The following SLTM variants were observed in gnomAD, a reference collection of about 807,000 sequenced individuals.
SLTM encodes SAFB-like transcription modulator.
Under a neutral mutation model 134.6 loss-of-function variants are expected in SLTM, and 43 were observed. The observed-to-expected ratio is 0.32, with a 90% CI of 0.25 to 0.41. The LOEUF (loss-of-function observed/expected upper bound fraction) is 0.41, where lower values mean the gene tolerates loss of function less well. Among genes scored for constraint, SLTM ranks in the 10% least tolerant of loss-of-function variants. SLTM has a pLI of 1.00. For synonymous variants in SLTM, 424 were observed against 432.3 expected (o/e 0.98, Z 0.24); for missense variants, 1,055 against 1,288.8 (o/e 0.82, Z 2.78).
chr15:58,895,091 A>T (rs1420667048), intron 9 of SLTM, among the ~76,000 whole-genome samples: 2 of 152,136 alleles, frequency 1.3e-5, no homozygotes, highest in Admixed American at 1.3e-4. Flanking sequence ...AAGCAATTTA[A>T]CCTTTTTATA....
In SLTM at chr15:58,933,392, G is replaced by T. The variant is rs2032504638; in HGVS notation, c.162+12C>A. On this transcript the variant is annotated intron_variant, in intron 1 of 20. Coordinates refer to ENST00000380516, the MANE Select transcript of SLTM (RefSeq NM_024755.4). ...CCCTTCCCGGTCCTTTCCGGTCCTC[G>T]CCGGGCCTCACCTGCTTGAGTCGGG... 1 of 1,570,072 alleles carries T rather than the reference G, an allele frequency of 6.4e-7. No individual in the cohort carries two copies.
intron 17 of SLTM, among the ~76,000 whole-genome samples, chr15:58,887,881 TG>T (rs1160781280): frequency 6.6e-6 from 1 of 152,086 alleles, no homozygotes; most frequent in African/African-American, 2.4e-5. Context: ...CGGGGAGTGG[TG>T]GCTCAGGCCT....
Position 58,933,656 on chromosome 15 carries a change from G to C in SLTM, c.-91C>G. 7.3e-7 allele frequency: 1 copy of C among 1,362,978 alleles called. No individual in the cohort carries two copies. The highest frequency in any genetic ancestry group is 9.4e-7 in the Non-Finnish European group (1 of 1,063,116). 84.4% of individuals were successfully genotyped at this position (1,362,978 alleles called of 1,614,324 possible). On this transcript the variant is annotated 5_prime_UTR_variant, in exon 1 of 21. Transcript: ENST00000380516. ...TCCACCCAGGCCTCGGCGGCCGCCGGCGCCGCGCAGCGCTGCGCACAATGA... is the reference window on the plus strand; with the variant it reads ...TCCACCCAGGCCTCGGCGGCCGCCGCCGCCGCGCAGCGCTGCGCACAATGA...
Position 58,894,513 on chromosome 15 carries a change from A to C in SLTM, c.1297T>G (p.Ser433Ala). Residue 433 changes from serine to alanine, a missense_variant, in exon 10 of 21, where the codon TCT becomes GCT. Physicochemically the swap from Ser to Ala is moderately conservative, Grantham distance 99 (BLOSUM62 1). This residue lies in a region of SLTM where 776 missense variants were observed against 962.2 expected (regional missense o/e 0.81). Coordinates refer to ENST00000380516, the MANE Select transcript of SLTM (RefSeq NM_024755.4). ...CACCTGGACACCTCTGTGCTTGAAG[A>C]CATAGTTACAATGCCATAGCATTTT... ...GAKCYGIVTM[S>A]SSTEVSRCIA... 1 of 1,614,144 alleles carries C rather than the reference A, an allele frequency of 6.2e-7. No homozygotes were observed. Among genetic ancestry groups the C allele is most frequent in the East Asian group, 2.2e-5 (1 of 44,880 alleles).
Position 58,933,498 on chromosome 15 carries a change from G to T in SLTM, c.68C>A (p.Thr23Asn). ...CTTCAGATCGATGACCCGCAGATCG[G>T]TGATCTTTTTACCTTCCGCCTGACC... is the stretch of plus-strand genomic sequence containing the variant. ...ASGQAEGKKI[T>N]DLRVIDLKSE... is the part of the protein sequence containing the mutation. Residue 23 changes from threonine (T) to asparagine (N), a missense_variant, in exon 1 of 21, where the codon ACC (threonine) becomes AAC (asparagine). By Grantham distance (65) the Thr-to-Asn change is moderately conservative. This residue lies in a region of SLTM where 268 missense variants were observed against 284.3 expected (regional missense o/e 0.94). Transcript: ENST00000380516. 6.2e-7 allele frequency: 1 copy of T among 1,600,754 alleles called. No homozygotes were observed. Among genetic ancestry groups the T allele is most frequent in the Non-Finnish European group, 8.5e-7 (1 of 1,174,286 alleles).
intron 5 of SLTM, among the ~76,000 whole-genome samples, chr15:58,901,539 G>T (rs1339641717): frequency 6.6e-6 from 1 of 152,152 alleles, no homozygotes; most frequent in East Asian, 1.9e-4. Flanking sequence ...AACTGGATTA[G>T]TTTCACTATT....
intron 2 of SLTM, among the ~76,000 whole-genome samples, chr15:58,922,724 T>C (rs1324415569): frequency 6.7e-6 from 1 of 150,206 alleles, no homozygotes; most frequent in African/African-American, 2.4e-5. Context: ...TTTTTTCTTT[T>C]TTTTTTGAGA....
chr15:58,926,201 A>C (rs2037454023), intron 2 of SLTM, among the ~76,000 whole-genome samples: 1 of 152,214 alleles, frequency 6.6e-6, no homozygotes, highest in Non-Finnish European at 1.5e-5. Context: ...TGAGCCACTA[A>C]GACAAGTGAA....
intron 2 of SLTM, among the ~76,000 whole-genome samples, chr15:58,930,361 C>T (rs1211320961): frequency 2.0e-5 from 3 of 150,994 alleles, no homozygotes; most frequent in Admixed American, 1.3e-4. Flanking sequence ...AATTCCCGAC[C>T]GCAGGTGATC....
intron 1 of SLTM, among the ~76,000 whole-genome samples, chr15:58,933,155 G>A (rs1164738442): frequency 1.3e-5 from 2 of 151,832 alleles, no homozygotes; most frequent in Non-Finnish European, 1.5e-5. Context: ...GACGTCCCGG[G>A]GAGGCGGAGG....
intron 19 of SLTM, among the ~76,000 whole-genome samples, chr15:58,885,644 C>T (rs1022913923): frequency 4.6e-5 from 7 of 152,004 alleles, no homozygotes; most frequent in South Asian, 2.1e-4. Context: ...ATTAGCCAGG[C>T]GTGGTGGCGC....
intron 5 of SLTM, among the ~76,000 whole-genome samples, chr15:58,906,022 A>T (rs1331698600): frequency 6.6e-6 from 1 of 152,222 alleles, no homozygotes; most frequent in Non-Finnish European, 1.5e-5. Flanking sequence ...GAAAAGATGA[A>T]CCACACGTAA....
chr15:58,932,425 C>T lies in SLTM; in HGVS notation c.181G>A (p.Gly61Ser), dbSNP rs770483871. Residue 61 changes from glycine (G) to serine (S), a missense_variant, in exon 2 of 21, where the codon GGC becomes AGC. This residue lies in a region of SLTM where 268 missense variants were observed against 284.3 expected (regional missense o/e 0.94). Transcript: ENST00000380516. Reference sequence around the variant, plus strand: ...GTTAATTCAATATTATCTGGATCGCCTCCTTCCTCTTCAATAGCCTACATT... The same window carrying T: ...GTTAATTCAATATTATCTGGATCGCTTCCTTCCTCTTCAATAGCCTACATT... Reference protein sequence around the residue: ...RLKQAIEEEGGDPDNIELTVS... With the variant: ...RLKQAIEEEGSDPDNIELTVS... 2.7e-5 allele frequency: 44 copies of T among 1,611,554 alleles called. No homozygotes were observed. In the South Asian group the frequency reaches 3.7e-4, roughly 14 times the overall value.
intron 5 of SLTM, among the ~76,000 whole-genome samples, chr15:58,902,290 C>T (rs1470549087): frequency 1.3e-5 from 2 of 151,930 alleles, no homozygotes; most frequent in East Asian, 1.9e-4. Context: ...CAGGCGGTCT[C>T]GAACTCCTGG....
Position 58,879,736 on chromosome 15 carries a change from CA to C in SLTM, c.*262del. ...CTCTTTATATTCACACAGCGTTAAA[CA>C]AAACGACTTCAATTCCATCTTTTCA... On this transcript the variant is annotated 3_prime_UTR_variant, in exon 21 of 21. Transcript: ENST00000380516. 1 of 337,574 alleles carries C rather than the reference CA, an allele frequency of 3.0e-6. No homozygotes were observed. The highest frequency in any genetic ancestry group is 4.5e-5 in the South Asian group (1 of 22,352). 20.9% of individuals were successfully genotyped at this position (337,574 alleles called of 1,614,324 possible).
chr15:58,919,184 A>T (rs145226654), intron 2 of SLTM, among the ~76,000 whole-genome samples: 213 of 152,374 alleles, frequency 1.4e-3, no homozygotes, highest in Middle Eastern at 6.8e-3. Context: ...AAGTGTTGGG[A>T]TAACAGGCGT....
chr15:58,903,063 A>C (rs909321179), intron 5 of SLTM, among the ~76,000 whole-genome samples: 4 of 151,824 alleles, frequency 2.6e-5, no homozygotes, highest in African/African-American at 9.7e-5. Context: ...CACTACACCC[A>C]GTTAATTTTT....
At chr15:58,922,069 A>T (rs570086419) in intron 2 of SLTM, among the ~76,000 whole-genome samples, 77 of 152,178 alleles carry the variant, frequency 5.1e-4, no homozygotes, top group African/African-American at 1.8e-3. Context: ...TACAAAATAT[A>T]ACTCATTTTA....
chr15:58,883,025 A>G (rs1176747539), intron 20 of SLTM, among the ~76,000 whole-genome samples: 1 of 152,240 alleles, frequency 6.6e-6, no homozygotes, highest in African/African-American at 2.4e-5. Flanking sequence ...GTTAAGATTC[A>G]TTATCTAGAC....
Sources: gnomAD v4.1 joint callset for allele counts (sites outside exome capture counted in the v4.1 genomes callset) on GRCh38, gnomAD v4.1.1 for gene constraint, gnomAD v4.1.1 regional missense constraint, MANE v1.5 for transcripts, NCBI Gene and HGNC (gene_info 2026-07-23, HGNC 2026-07-21) for gene names.